The following SPATA6 variants were observed in gnomAD, a reference collection of about 807,000 sequenced individuals.
SPATA6 encodes the protein spermatogenesis-associated protein 6.
A neutral mutation model predicts 65.3 loss-of-function variants in SPATA6; 56 were observed. That is an observed-to-expected ratio of 0.86 (90% confidence interval 0.69 to 1.07). The LOEUF (loss-of-function observed/expected upper bound fraction) is 1.07. Ranked by LOEUF, SPATA6 falls within the 50% of genes least tolerant of loss-of-function variation. The pLI is 0.00. For synonymous variants in SPATA6, 199 were observed against 213.2 expected (o/e 0.93, Z 0.58); for missense variants, 590 against 594.8 (o/e 0.99, Z 0.08).
At chr1:48,301,997 C>T (rs964142833) in intron 12 of SPATA6, among the ~76,000 whole-genome samples, 1 of 152,006 alleles carries the variant, frequency 6.6e-6, no homozygotes, top group African/African-American at 2.4e-5. Flanking sequence ...ATCCAGTTTC[C>T]AGTAATTCAT....
rs572455276 is a variant in SPATA6 at position 48,297,665 on chromosome 1, T to C, written c.*1048A>G. 2.0e-5 allele frequency: 3 copies of C among 152,276 alleles called. No individual in the cohort carries two copies. The East Asian group carries it at 5.8e-4, about 29-fold the overall frequency. The allele number at this position is 152,276 out of a possible 1,614,324, so 9.4% of individuals were successfully genotyped here. On this transcript the variant is annotated 3_prime_UTR_variant, in exon 13 of 13. Transcript: ENST00000371847. ...CTCTCCTTTCCCTCCCCTCACTCTC[T>C]ATTAAATATAAAGTAGCTGATTTCT...
intron 9 of SPATA6, among the ~76,000 whole-genome samples, chr1:48,374,771 T>C (rs1647694724): frequency 6.6e-6 from 1 of 152,198 alleles, no homozygotes; most frequent in African/African-American, 2.4e-5. Context: ...CATGCCTTAA[T>C]TCCATTAATC....
intron 9 of SPATA6, among the ~76,000 whole-genome samples, chr1:48,384,499 A>C (rs951988034): frequency 6.6e-6 from 1 of 151,750 alleles, no homozygotes; most frequent in Non-Finnish European, 1.5e-5. Flanking sequence ...AGAAAAGATA[A>C]GCTATGAGAC....
chr1:48,420,589 G>A (rs1340818784), intron 3 of SPATA6, among the ~76,000 whole-genome samples: 2 of 152,142 alleles, frequency 1.3e-5, no homozygotes, highest in Non-Finnish European at 2.9e-5. Flanking sequence ...TGGTGGTGGG[G>A]AGAACCCCTA....
chr1:48,413,330 G>A (rs1042450257), intron 3 of SPATA6, among the ~76,000 whole-genome samples, 179 bp from the exon 4 acceptor site: 32 of 147,906 alleles, frequency 2.2e-4, no homozygotes, highest in East Asian at 1.6e-3. Flanking sequence ...TCACTCTGTC[G>A]CCAGGCTGGA....
intron 11 of SPATA6, among the ~76,000 whole-genome samples, chr1:48,347,858 C>A (rs1391020401): frequency 6.6e-6 from 1 of 151,950 alleles, no homozygotes; most frequent in East Asian, 1.9e-4. Flanking sequence ...TGCAACCCCT[C>A]CCTGGAACTA....
the SPATA6 span, among the ~76,000 whole-genome samples, chr1:48,273,787 G>C: frequency 6.6e-6 from 1 of 152,174 alleles, no homozygotes. Flanking sequence ...ATTGTGAACA[G>C]TGCTTCAGTA....
intron 1 of SPATA6, among the ~76,000 whole-genome samples, chr1:48,456,430 T>C (rs938607326): frequency 1.3e-5 from 2 of 151,908 alleles, no homozygotes; most frequent in Admixed American, 6.6e-5. Context: ...TCCCACATAA[T>C]TTAAAAAGTC....
chr1:48,354,320 A>G (rs1017698577), intron 11 of SPATA6, among the ~76,000 whole-genome samples: 1 of 152,130 alleles, frequency 6.6e-6, no homozygotes, highest in Non-Finnish European at 1.5e-5. Flanking sequence ...AACCATGTGC[A>G]ACATTCTTTG....
At chr1:48,328,571 G>C (rs1023487175) in intron 11 of SPATA6, among the ~76,000 whole-genome samples, 1 of 152,036 alleles carries the variant, frequency 6.6e-6, no homozygotes, top group Non-Finnish European at 1.5e-5. Flanking sequence ...ACAGGAATTG[G>C]ACTTGTTGCT....
chr1:48,352,133 C>A (rs1444332342), intron 11 of SPATA6, among the ~76,000 whole-genome samples: 1 of 152,064 alleles, frequency 6.6e-6, no homozygotes, highest in Non-Finnish European at 1.5e-5. Context: ...GGGAGCAAGT[C>A]ACATCTTACA....
intron 6 of SPATA6, among the ~76,000 whole-genome samples, chr1:48,402,276 T>A (rs1433512185): frequency 6.6e-6 from 1 of 152,202 alleles, no homozygotes; most frequent in East Asian, 1.9e-4. Flanking sequence ...TTCACCAAGC[T>A]GTACCCTGAG....
At chr1:48,303,045 G>A (rs1644978204) in intron 12 of SPATA6, among the ~76,000 whole-genome samples, 3 of 152,110 alleles carry the variant, frequency 2.0e-5, no homozygotes, top group African/African-American at 7.2e-5. Context: ...GTGCCATGGA[G>A]CTGGGGAGTG....
chr1:48,301,098 T>C (rs1212084925), intron 12 of SPATA6, among the ~76,000 whole-genome samples: 1 of 151,964 alleles, frequency 6.6e-6, no homozygotes, highest in Admixed American at 6.6e-5. Flanking sequence ...GAAGTTAAAT[T>C]ATTCCCTTCC....
At chr1:48,359,849 T>C (rs1646761126) in intron 9 of SPATA6, 79 bp from the exon 10 acceptor site, 2 of 1,152,632 alleles carry the variant, frequency 1.7e-6, no homozygotes, top group African/African-American at 3.1e-5. Flanking sequence ...TAATATAGTA[T>C]GCATAGTAGT....
At chr1:48,369,256 G>A (rs894002475) in intron 9 of SPATA6, among the ~76,000 whole-genome samples, 1 of 152,216 alleles carries the variant, frequency 6.6e-6, no homozygotes, top group Non-Finnish European at 1.5e-5. Flanking sequence ...CACTTAAGGA[G>A]GCAGTCTGCC....
chr1:48,280,006 C>G, the SPATA6 span, among the ~76,000 whole-genome samples: 2 of 152,172 alleles, frequency 1.3e-5, no homozygotes, highest in African/African-American at 4.8e-5. Context: ...TGCAATCAAA[C>G]TAGAACTCAG....
At chr1:48,428,368 C>A in intron 3 of SPATA6, among the ~76,000 whole-genome samples, 1 of 152,160 alleles carries the variant, frequency 6.6e-6, no homozygotes, top group East Asian at 1.9e-4. Context: ...GCAGGAGAAT[C>A]GCTGAACCCA....
At chr1:48,410,030 CA>C (rs1222144275) in intron 5 of SPATA6, among the ~76,000 whole-genome samples, 1 of 152,216 alleles carries the variant, frequency 6.6e-6, no homozygotes, top group Non-Finnish European at 1.5e-5. Context: ...AATTTCTACT[CA>C]GAAAATTGAA....
Sources: gnomAD v4.1 joint callset for allele counts (sites outside exome capture counted in the v4.1 genomes callset) on GRCh38, gnomAD v4.1.1 for gene constraint, MANE v1.5 for transcripts, NCBI Gene and HGNC (gene_info 2026-07-23, HGNC 2026-07-21) for gene names.